The following GFM1 variants were observed in gnomAD, a reference collection of about 807,000 sequenced individuals.
GFM1 encodes the protein elongation factor G, mitochondrial.
Under a neutral mutation model 96.2 loss-of-function variants are expected in GFM1, and 62 were observed. The ratio of observed to expected loss-of-function variants is 0.64; its 90% confidence interval spans 0.53 to 0.80. The LOEUF (loss-of-function observed/expected upper bound fraction) is 0.80. GFM1 is among the 30% of genes least tolerant of loss of function. GFM1 has a pLI of 0.00. For synonymous variants in GFM1, 282 were observed against 312.9 expected (o/e 0.90, Z 1.04); for missense variants, 852 against 916.6 (o/e 0.93, Z 0.91).
intron 13 of GFM1, chr3:158,666,652 CA>C (rs1723718808): frequency 1.2e-6 from 2 of 1,612,702 alleles, no homozygotes; most frequent in Non-Finnish European, 1.7e-6. Context: ...TTGTTTATTC[CA>C]GTTGTACTTC....
At chr3:158,691,047 T>C in intron 16 of GFM1, 92 bp from the exon 17 acceptor site, 1 of 844,840 alleles carries the variant, frequency 1.2e-6, no homozygotes, top group Non-Finnish European at 2.0e-6. Flanking sequence ...GAAATCTTAA[T>C]CTAAAGGAAT....
At chr3:158,660,772 C>G in intron 9 of GFM1, 102 bp from the exon 10 acceptor site, 2 of 969,334 alleles carry the variant, frequency 2.1e-6, no homozygotes, top group East Asian at 2.4e-5. Context: ...TTCTGCCACG[C>G]TTTTTTATAT....
chr3:158,692,316 A>C lies in GFM1; in HGVS notation c.*849A>C, dbSNP rs957442517. 5 of 152,246 alleles carry C rather than the reference A, an allele frequency of 3.3e-5. No individual in the cohort carries two copies. The highest frequency in any genetic ancestry group is 1.2e-4 in the African/African-American group (5 of 41,476). 9.4% of individuals were successfully genotyped at this position (152,246 alleles called of 1,614,324 possible). A position where few individuals can be genotyped will look rare whatever the true frequency, so the allele number is the denominator to read the frequency against. The stretch of plus-strand genomic sequence containing the variant: ...TAATGTTTTTGTACAGCTAAATCAA[A>C]TGTAATTTATAGAGTTAGTTTCATC... On this transcript the variant is annotated 3_prime_UTR_variant, in exon 18 of 18. Coordinates refer to ENST00000486715, the MANE Select transcript of GFM1 (RefSeq NM_024996.7).
intron 1 of GFM1, 123 bp downstream of exon 1, chr3:158,644,838 G>A: frequency 1.2e-6 from 1 of 806,956 alleles, no homozygotes; most frequent in Non-Finnish European, 2.1e-6. Context: ...ACTGGCAGTC[G>A]CTCGTCAGTG....
chr3:158,672,707 A>G (rs1317862846), intron 13 of GFM1: 3 of 445,924 alleles, frequency 6.7e-6, no homozygotes, highest in African/African-American at 2.0e-5. Flanking sequence ...GCCCCGCCCC[A>G]CTACTGCCTG....
intron 13 of GFM1, chr3:158,667,073 T>C: frequency 6.3e-7 from 1 of 1,580,578 alleles, no homozygotes; most frequent in South Asian, 1.2e-5. Flanking sequence ...ATCATTTCTT[T>C]GCTATGACAA....
At position 158,654,414 on chromosome 3, in the gene GFM1, T is replaced by C. The variant is rs1032696716; in HGVS notation, c.999-133T>C. 7 of 619,204 alleles carry C rather than the reference T, an allele frequency of 1.1e-5. No individual in the cohort carries two copies. The Admixed American group carries it at 1.6e-4, about 14-fold the overall frequency. The allele number at this position is 619,204 out of a possible 1,614,324, so 38.4% of individuals were successfully genotyped here. A position where few individuals can be genotyped will look rare whatever the true frequency, so the allele number is the denominator to read the frequency against. ...TTCTATTGATCTCTTTCAGTGAAAT[T>C]TTACTTATGTGTGACAGCAGTAATA... On this transcript the variant is annotated intron_variant, in intron 7 of 17. Transcript: ENST00000486715.
intron 8 of GFM1, 125 bp downstream of exon 8, chr3:158,654,756 A>C: frequency 1.4e-6 from 1 of 714,860 alleles, no homozygotes; most frequent in Non-Finnish European, 2.5e-6. Context: ...TAGAAAGAGC[A>C]GGTAGAGAAT....
chr3:158,672,169 G>A (rs1310079554), intron 13 of GFM1, among the ~76,000 whole-genome samples: 1 of 152,156 alleles, frequency 6.6e-6, no homozygotes, highest in Non-Finnish European at 1.5e-5. Context: ...CCAGAGACTG[G>A]AGTATAGACA....
Position 158,691,391 on chromosome 3 carries a change from C to A in GFM1, c.2180C>A (p.Thr727Lys), listed in dbSNP as rs1726308337. The A allele has an allele frequency of 6.8e-6, 11 of 1,613,744 alleles. No homozygotes were observed. In the East Asian group the frequency reaches 2.2e-4, roughly 33 times the overall value. Residue 727 changes from threonine to lysine, a missense_variant, in exon 18 of 18, where the codon ACA (threonine) becomes AAA (lysine). Transcript: ENST00000486715. ...AGGTATCAGCCATGTTTACCATCCA[C>A]ACAAGAAGACGTCATTAATAAGTAT... Reference protein sequence around the residue: ...YSRYQPCLPSTQEDVINKYLE... With the variant: ...YSRYQPCLPSKQEDVINKYLE...
intron 8 of GFM1, among the ~76,000 whole-genome samples, chr3:158,658,236 G>T (rs951499592): frequency 2.1e-4 from 30 of 141,914 alleles, no homozygotes; most frequent in African/African-American, 4.7e-4. Flanking sequence ...GTGCGATCTC[G>T]GCTCACTGCA....
chr3:158,669,371 G>C, intron 13 of GFM1: 1 of 1,484,918 alleles, frequency 6.7e-7, no homozygotes, highest in Non-Finnish European at 9.2e-7. Context: ...TTTAAGCACA[G>C]ATAATTGAGA....
chr3:158,681,920 C>CT, intron 13 of GFM1, 75 bp from the exon 14 acceptor site: 1 of 1,193,646 alleles, frequency 8.4e-7, no homozygotes, highest in Non-Finnish European at 1.2e-6. Flanking sequence ...CAAATGTGTT[C>CT]TTTTAAATTA....
intron 8 of GFM1, among the ~76,000 whole-genome samples, chr3:158,658,614 A>T (rs537557312): frequency 1.3e-5 from 2 of 152,182 alleles, no homozygotes; most frequent in African/African-American, 4.8e-5. Flanking sequence ...AAACTTATGA[A>T]ATGTTAGAAG....
At chr3:158,685,134 C>T (rs1725735931) in intron 15 of GFM1, 1 of 158,064 alleles carries the variant, frequency 6.3e-6, no homozygotes, top group African/African-American at 2.4e-5. Flanking sequence ...AAACCTTATT[C>T]ACAATGCAGA....
rs547487378 is a variant in GFM1 at position 158,647,417 on chromosome 3, G to C, written c.572+470G>C. Among the ~76,000 whole-genome samples, 25 of 152,262 alleles carry C rather than the reference G, an allele frequency of 1.6e-4. 1 individual carries two copies. In the South Asian group the frequency reaches 5.0e-3, roughly 30 times the overall value. ...AGGACAACAGTAACACTTCCTTTCT[G>C]TACCAGATAGAACCAGTAGTATTTA... On this transcript the variant is annotated intron_variant, in intron 4 of 17. Coordinates refer to ENST00000486715, the MANE Select transcript of GFM1 (RefSeq NM_024996.7).
At chr3:158,667,959 G>A (rs1723874314) in intron 13 of GFM1, among the ~76,000 whole-genome samples, 1 of 152,190 alleles carries the variant, frequency 6.6e-6, no homozygotes, top group South Asian at 2.1e-4. Context: ...AACTTAGATT[G>A]CTAAGGGAAA....
chr3:158,660,955 G>A lies in GFM1; in HGVS notation c.1303G>A (p.Ala435Thr). Residue 435 changes from alanine (A) to threonine (T), a missense_variant, in exon 10 of 18, where the codon GCC (alanine) becomes ACC (threonine). By Grantham distance (58) the Ala-to-Thr change is moderately conservative. Coordinates refer to ENST00000486715, the MANE Select transcript of GFM1 (RefSeq NM_024996.7). ...CASGDTFTDK[A>T]NSGLSMESIH... ...TAGTGGAGACACATTCACAGACAAA[G>A]CCAACAGCGGCCTTTCTATGGTAAG... 1 of 1,613,580 alleles carries A rather than the reference G, an allele frequency of 6.2e-7. No homozygotes were observed. Among genetic ancestry groups the A allele is most frequent in the Non-Finnish European group, 8.5e-7 (1 of 1,179,522 alleles).
intron 15 of GFM1, among the ~76,000 whole-genome samples, chr3:158,688,214 G>A (rs1239073952): frequency 6.6e-6 from 1 of 152,124 alleles, no homozygotes; most frequent in African/African-American, 2.4e-5. Flanking sequence ...ATGTAAAATT[G>A]ACTACAGATC....
Sources: allele counts gnomAD v4.1 joint callset (sites outside exome capture counted in the v4.1 genomes callset), GRCh38; gene constraint gnomAD v4.1.1; transcripts MANE v1.5; gene names NCBI Gene and HGNC (gene_info 2026-07-23, HGNC 2026-07-21).